The following COL4A3 variants were observed in gnomAD, a reference collection of about 807,000 sequenced individuals.
The protein encoded by COL4A3 is collagen type IV alpha 3 chain.
In COL4A3, 135 loss-of-function variants were observed where a neutral mutation model predicts 217.4. The ratio of observed to expected loss-of-function variants is 0.62; its 90% CI spans 0.54 to 0.72. COL4A3 has a LOEUF of 0.72. COL4A3 is among the 30% of genes least tolerant of loss of function. The pLI is 0.00. For synonymous variants in COL4A3, 690 were observed against 736.3 expected, an observed-to-expected ratio of 0.94 and a Z score of 1.02; for missense variants, 1,868 against 2,119.9, an observed-to-expected ratio of 0.88 and a Z score of 2.33.
chr2:227,233,491 T>G (rs1476541292), intron 1 of COL4A3, among the ~76,000 whole-genome samples: 3 of 152,202 alleles, frequency 2.0e-5, no homozygotes, highest in Non-Finnish European at 2.9e-5. Flanking sequence ...CATCTATATA[T>G]TTGAAGTTAA....
At chr2:227,205,710 A>ATATTTT (rs557701713) in intron 1 of COL4A3, among the ~76,000 whole-genome samples, 3 of 149,574 alleles carry the variant, frequency 2.0e-5, no homozygotes, top group African/African-American at 2.4e-5. Flanking sequence ...TTCAACAAAT[A>ATATTTT]TTTTTTTTTT....
chr2:227,215,578 C>T (rs2067497239), intron 1 of COL4A3, among the ~76,000 whole-genome samples: 1 of 152,142 alleles, frequency 6.6e-6, no homozygotes, highest in Admixed American at 6.5e-5. Flanking sequence ...CTTGCCTCAG[C>T]CTCCCGAGTA....
At chr2:227,302,663 C>T (rs543280447) in intron 43 of COL4A3, among the ~76,000 whole-genome samples, 18 of 79,916 alleles carry the variant, frequency 2.3e-4, no homozygotes, top group African/African-American at 7.3e-4. Context: ...GAGGACAAAA[C>T]GAGACTCTTT....
rs1215979363 is a variant in COL4A3, at chr2:227,280,447, C to T, written c.2231C>T (p.Pro744Leu). 4 of 1,614,090 alleles carry T rather than the reference C, an allele frequency of 2.5e-6. No individual in the cohort carries two copies. Residue 744 changes from proline to leucine, a missense_variant, in exon 30 of 52, where the codon CCA (proline) becomes CTA (leucine). Pro to Leu is a moderately conservative substitution (Grantham distance 98). Coordinates refer to ENST00000396578, the MANE Select transcript of COL4A3 (RefSeq NM_000091.5). ...ACAATTTCTATGCTGTAGGGAGAAC[C>T]AGCAGTAGCCATGCCTGGAGGACCA... ...KPGLPGAKGE[P>L]AVAMPGGPGT...
intron 3 of COL4A3, among the ~76,000 whole-genome samples, chr2:227,241,335 T>C (rs1482197196): frequency 2.0e-5 from 3 of 152,178 alleles, no homozygotes; most frequent in Non-Finnish European, 4.4e-5. Context: ...AAAATGATTA[T>C]AATTGATCTA....
At chr2:227,291,091 A>C in intron 37 of COL4A3, 1 of 577,090 alleles carries the variant, frequency 1.7e-6, no homozygotes. Flanking sequence ...AGCCTCTTTC[A>C]GTCACCAAGG....
intron 1 of COL4A3, among the ~76,000 whole-genome samples, chr2:227,228,258 C>T (rs7608142): frequency 0.074 from 11,344 of 152,274 alleles, 607 homozygotes; most frequent in African/African-American, 0.15. Flanking sequence ...CCATGGGTGT[C>T]ATTCTTCTTC....
At chr2:227,218,290 C>A (rs1428874762) in intron 1 of COL4A3, among the ~76,000 whole-genome samples, 1 of 151,714 alleles carries the variant, frequency 6.6e-6, no homozygotes, top group Non-Finnish European at 1.5e-5. Context: ...CACGGTGAAA[C>A]CCCGTCTCTA....
In COL4A3 at chr2:227,270,930, T is replaced by C. The variant is rs2071196907; in HGVS notation, c.1736T>C (p.Leu579Ser). The C allele has an allele frequency of 3.1e-6, 5 of 1,614,044 alleles. No homozygotes were observed. The highest frequency in any genetic ancestry group is 1.3e-5 in the African/African-American group (1 of 74,926). Residue 579 changes from leucine to serine, a missense_variant, in exon 25 of 52, where the codon TTA becomes TCA. Around this residue, in one of 2 missense-constraint regions of COL4A3, gnomAD observed 1,503 missense variants for 1,786.1 expected, o/e 0.84. Coordinates refer to ENST00000396578, the MANE Select transcript of COL4A3 (RefSeq NM_000091.5). ...CCTGGAACTCCGGGAGTGAAAGGAT[T>C]ACCAGGACCTAAAGGCGAACTGGTT... ...GIPGTPGVKG[L>S]PGPKGELALS...
At position 227,191,390 on chromosome 2, in the gene COL4A3, G is replaced by A. The variant is rs1472836509; in HGVS notation, c.87+26577G>A. ...AAAAACAAAAAATTTAAGTGGGTGA[G>A]GGGGCAGGAAGAACAATAAAGAAAG... On this transcript the variant is annotated intron_variant, in intron 1 of 51. Transcript: ENST00000396578. This position sits in a 1 kb window ranked among gnomAD's most constrained non-coding sequence, Gnocchi z 6.8. Among the ~76,000 whole-genome samples, 1 of 152,100 alleles carries A rather than the reference G, an allele frequency of 6.6e-6. No homozygotes were observed. The highest frequency in any genetic ancestry group is 1.5e-5 in the Non-Finnish European group (1 of 68,024).
intron 15 of COL4A3, among the ~76,000 whole-genome samples, chr2:227,255,384 T>A (rs1219483126): frequency 6.6e-6 from 1 of 152,152 alleles, no homozygotes; most frequent in Non-Finnish European, 1.5e-5. Flanking sequence ...AAGATTTAAA[T>A]CCATATATTG....
In COL4A3 at chr2:227,309,295, T is replaced by C. The variant is rs2073646176; in HGVS notation, c.4732T>C (p.Trp1578Arg). Residue 1578 changes from tryptophan to arginine, a missense_variant, in exon 50 of 52, where the codon TGG (tryptophan) becomes CGG (arginine). Around this residue, in one of 2 missense-constraint regions of COL4A3, gnomAD observed 1,503 missense variants for 1,786.1 expected, o/e 0.84. Transcript: ENST00000396578. ...PPCPHGWISLWKGFSFIMFTS... is the reference protein window; with the variant it reads ...PPCPHGWISLRKGFSFIMFTS... ...ATGTCCTCACGGCTGGATTTCTCTC[T>C]GGAAAGGATTTTCATTCATCATGGT... The C allele has an allele frequency of 6.2e-7, 1 of 1,614,056 alleles. No individual in the cohort carries two copies. Among genetic ancestry groups the C allele is most frequent in the Non-Finnish European group, 8.5e-7 (1 of 1,179,960 alleles).
chr2:227,172,354 T>C (rs1178904320), intron 1 of COL4A3, among the ~76,000 whole-genome samples: 3 of 152,130 alleles, frequency 2.0e-5, no homozygotes, highest in African/African-American at 7.2e-5. Flanking sequence ...ACTAGCTACC[T>C]ACAGTAACAA....
chr2:227,304,958 T>G, intron 46 of COL4A3, 27 bp from the exon 47 acceptor site: 1 of 1,582,082 alleles, frequency 6.3e-7, no homozygotes, highest in African/African-American at 1.3e-5. Flanking sequence ...TATGATAAAA[T>G]GCAATACAAT....
chr2:227,241,671 TA>T (rs2069028919), intron 3 of COL4A3, among the ~76,000 whole-genome samples: 1 of 101,424 alleles, frequency 9.9e-6, no homozygotes, highest in South Asian at 4.4e-4. Flanking sequence ...GAGACTCCAT[TA>T]AAAAAATATA....
chr2:227,239,122 G>A (rs1362285915), intron 2 of COL4A3, among the ~76,000 whole-genome samples: 7 of 152,092 alleles, frequency 4.6e-5, no homozygotes, highest in Admixed American at 4.6e-4. Flanking sequence ...CTGTTGAAGA[G>A]TACAGTCGGC....
rs777633824 is a variant in COL4A3, at chr2:227,310,760, T to A, written c.4756-16T>A. ...AATGGACAGAGTGTTTATTCAGATT[T>A]TTAAAATTGTGGTAGTTCACAAGTG... On this transcript the variant is annotated splice_polypyrimidine_tract_variant and intron_variant, in intron 50 of 51. Transcript: ENST00000396578. The A allele has an allele frequency of 5.0e-6, 8 of 1,612,810 alleles. No homozygotes were observed. In the South Asian group the frequency reaches 7.7e-5, roughly 15 times the overall value.
At chr2:227,175,496 A>T (rs2065644537) in intron 1 of COL4A3, among the ~76,000 whole-genome samples, 1 of 152,130 alleles carries the variant, frequency 6.6e-6, no homozygotes, top group South Asian at 2.1e-4. Context: ...AAAAACCAAG[A>T]CAAACAGAGC....
At chr2:227,206,806 TG>T (rs2125773930) in intron 1 of COL4A3, among the ~76,000 whole-genome samples, 1 of 152,346 alleles carries the variant, frequency 6.6e-6, no homozygotes, top group African/African-American at 2.4e-5. Flanking sequence ...CAGGTTTACA[TG>T]TCTTAGCTAA....
Sources: gnomAD v4.1 joint callset for allele counts (sites outside exome capture counted in the v4.1 genomes callset) on GRCh38, gnomAD v4.1.1 for gene constraint, gnomAD v4.1.1 regional missense constraint, Gnocchi (gnomAD v3.1) non-coding constraint, MANE v1.5 for transcripts, NCBI Gene and HGNC (gene_info 2026-07-23, HGNC 2026-07-21) for gene names.